Variants in ANK3 observed in about 807,000 individuals in gnomAD.
ANK3 encodes ankyrin-3.
In ANK3, 57 loss-of-function variants were observed where a neutral mutation model predicts 370.9. That is an observed-to-expected ratio of 0.15 (90% confidence interval 0.12 to 0.19). ANK3 has a LOEUF of 0.19. Ranked by LOEUF, ANK3 falls within the 10% of genes least tolerant of loss-of-function variation. The pLI, the probability that ANK3 is intolerant of heterozygous loss-of-function variation, is 1.00. For missense variants in ANK3, 4,439 were observed against 5,302.1 expected (o/e 0.84, Z 5.06); for synonymous variants, 1,929 against 1,946.3 (o/e 0.99, Z 0.23).
At chr10:60,494,877 A>T (rs915995203) in intron 2 of ANK3, among the ~76,000 whole-genome samples, 2 of 152,220 alleles carry the variant, frequency 1.3e-5, no homozygotes, top group Non-Finnish European at 2.9e-5. Flanking sequence ...AATGCAAATG[A>T]TTTGTTTCAC....
At chr10:60,062,425 TA>T (rs1206466845) in intron 40 of ANK3, 1 of 152,232 alleles carries the variant, frequency 6.6e-6, no homozygotes, top group African/African-American at 2.4e-5. Flanking sequence ...ACAAGATCAT[TA>T]TATAAATTAA....
At chr10:60,272,957 T>C (rs1466442497) in intron 4 of ANK3, among the ~76,000 whole-genome samples, 2 of 152,226 alleles carry the variant, frequency 1.3e-5, no homozygotes, top group African/African-American at 4.8e-5. Context: ...GAGTGTCCAC[T>C]GTTCTCACAG....
intron 1 of ANK3, among the ~76,000 whole-genome samples, chr10:60,725,615 T>G (rs1330022280): frequency 6.6e-6 from 1 of 152,234 alleles, no homozygotes; most frequent in Non-Finnish European, 1.5e-5. Flanking sequence ...ACCTTGCTTT[T>G]CTTTTCTTTT....
chr10:60,382,794 A>AATATAT (rs1249807913), intron 1 of ANK3, among the ~76,000 whole-genome samples: 23 of 46,748 alleles, frequency 4.9e-4, no homozygotes, highest in African/African-American at 1.6e-3. Flanking sequence ...CCTATACCTA[A>AATATAT]ATCTATATAT....
In ANK3 at chr10:60,071,316, G is replaced by A; in HGVS notation, c.9565C>T (p.Leu3189Phe). 6.2e-7 allele frequency: 1 copy of A among 1,614,090 alleles called. No individual in the cohort carries two copies. Among genetic ancestry groups the A allele is most frequent in the Non-Finnish European group, 8.5e-7 (1 of 1,180,012 alleles). The change falls in exon 37 of 44, where the codon CTC becomes TTC. Residue 3189 changes from leucine to phenylalanine, a missense_variant. By Grantham distance (22) the Leu-to-Phe change is conservative. Coordinates refer to ENST00000280772, the MANE Select transcript of ANK3 (RefSeq NM_020987.5). ...GGTTTGCCTGGTATATAAGCTATGA[G>A]CGAGTCAGGTGTCTTAGATGTAAAT... ...YEFTSKTPDS[L>F]IAYIPGKPSP... is the part of the protein sequence containing the mutation.
At chr10:60,733,211 G>T (rs2080051589) in intron 1 of ANK3, 1 of 1,231,540 alleles carries the variant, frequency 8.1e-7, no homozygotes, top group Non-Finnish European at 1.0e-6. Flanking sequence ...CCGGGTCCCC[G>T]CATGCCCCTG....
intron 12 of ANK3, among the ~76,000 whole-genome samples, chr10:60,202,236 C>CT (rs1409717782): frequency 6.6e-6 from 1 of 152,158 alleles, no homozygotes; most frequent in Non-Finnish European, 1.5e-5. Context: ...ATTCTCCTGC[C>CT]TCAGCCTCCC....
At chr10:60,368,368 T>C (rs2059671894) in intron 1 of ANK3, among the ~76,000 whole-genome samples, 1 of 152,178 alleles carries the variant, frequency 6.6e-6, no homozygotes, top group South Asian at 2.1e-4. Context: ...GGGGAGTATT[T>C]GACTTGATCT....
intron 2 of ANK3, among the ~76,000 whole-genome samples, chr10:60,432,744 C>T (rs1349617923): frequency 6.6e-6 from 1 of 152,128 alleles, no homozygotes; most frequent in Non-Finnish European, 1.5e-5. Flanking sequence ...AGCATGGGTA[C>T]AGGAATAAAA....
intron 23 of ANK3, among the ~76,000 whole-genome samples, chr10:60,152,219 C>A (rs901119153): frequency 1.3e-5 from 2 of 152,198 alleles, no homozygotes; most frequent in South Asian, 2.1e-4. Context: ...AAAAAACTAA[C>A]CATGAGTTGG....
intron 27 of ANK3, chr10:60,108,277 A>G (rs535118967): frequency 4.0e-4 from 160 of 404,310 alleles, no homozygotes; most frequent in African/African-American, 3.3e-3. Context: ...TGGTAGGAAG[A>G]TGCAGTTTAC....
Position 60,448,650 on chromosome 10 carries a change from G to A in ANK3, c.96+166536C>T, listed in dbSNP as rs182447709. ...TTTTCTCTACTCATCAGTTTAGAGCGACTCCCCAGTCAACTCCATGACCTC... is the reference window on the plus strand; with the variant it reads ...TTTTCTCTACTCATCAGTTTAGAGCAACTCCCCAGTCAACTCCATGACCTC... On this transcript the variant is annotated intron_variant, in intron 2 of 43. Coordinates refer to the ANK3 transcript ENST00000373827. Among the ~76,000 whole-genome samples, 5 of 152,312 alleles carry A rather than the reference G, an allele frequency of 3.3e-5. No homozygotes were observed. The East Asian group carries it at 5.8e-4, about 18-fold the overall frequency.
intron 1 of ANK3, among the ~76,000 whole-genome samples, chr10:60,325,536 T>C (rs1192137139): frequency 1.3e-5 from 2 of 152,214 alleles, no homozygotes; most frequent in Non-Finnish European, 2.9e-5. Flanking sequence ...TGGATTTTCA[T>C]GCTCCCCATT....
chr10:60,307,625 C>G (rs932184713), intron 1 of ANK3, among the ~76,000 whole-genome samples: 1 of 152,078 alleles, frequency 6.6e-6, no homozygotes, highest in African/African-American at 2.4e-5. Context: ...TAGACACAAG[C>G]TTCTATGCTT....
At chr10:60,477,186 TA>T (rs2075089095) in intron 2 of ANK3, among the ~76,000 whole-genome samples, 1 of 152,040 alleles carries the variant, frequency 6.6e-6, no homozygotes, top group Non-Finnish European at 1.5e-5. Flanking sequence ...TGAAAAAAAT[TA>T]ACATCTTTCT....
chr10:60,279,674 T>A, intron 1 of ANK3, 35 bp from the exon 2 acceptor site: 1 of 1,531,724 alleles, frequency 6.5e-7, no homozygotes, highest in South Asian at 1.1e-5. Flanking sequence ...TGATGAAAAA[T>A]GAAGCTAATA....
chr10:60,586,411 G>A (rs1007979391), intron 2 of ANK3, among the ~76,000 whole-genome samples: 7 of 152,128 alleles, frequency 4.6e-5, no homozygotes, highest in African/African-American at 1.7e-4. Context: ...GCTCACCTTC[G>A]TTTTTCCAAA....
chr10:60,637,860 A>AT (rs1233777050), intron 1 of ANK3, among the ~76,000 whole-genome samples: 2 of 152,292 alleles, frequency 1.3e-5, no homozygotes, highest in Non-Finnish European at 2.9e-5. Flanking sequence ...ATTTGTAACA[A>AT]TGTTTATTCA....
chr10:60,520,638 C>T (rs58947761), intron 2 of ANK3, among the ~76,000 whole-genome samples: 1,862 of 152,154 alleles, frequency 0.012, 43 homozygotes, highest in African/African-American at 0.042. Context: ...ATTCTCCTGA[C>T]CATCTAGGTC....
Sources: allele counts gnomAD v4.1 joint callset (sites outside exome capture counted in the v4.1 genomes callset), GRCh38; gene constraint gnomAD v4.1.1; transcripts MANE v1.5; gene names NCBI Gene and HGNC (gene_info 2026-07-23, HGNC 2026-07-21).